The following TLCD3A variants were observed in gnomAD, a reference collection of about 807,000 sequenced individuals.
TLCD3A encodes TLC domain containing 3A.
In TLCD3A, 17 loss-of-function variants were observed where a neutral mutation model predicts 29.9. That is an observed-to-expected ratio of 0.57 (90% CI 0.39 to 0.85). The LOEUF (loss-of-function observed/expected upper bound fraction) is 0.85. Ranked by LOEUF, TLCD3A falls within the 40% of genes least tolerant of loss-of-function variation. The pLI, the probability that TLCD3A is intolerant of heterozygous loss-of-function variation, is 0.00. For missense variants in TLCD3A, 332 were observed against 350.8 expected, an observed-to-expected ratio of 0.95 and a Z score of 0.43; for synonymous variants, 143 against 147.7, an observed-to-expected ratio of 0.97 and a Z score of 0.23.
chr17:735,841 G>A (rs889211629), intron 2 of TLCD3A, among the ~76,000 whole-genome samples: 26 of 151,898 alleles, frequency 1.7e-4, no homozygotes, highest in African/African-American at 4.8e-4. Context: ...CGGACGTGGC[G>A]GCAGGTACCT....
chr17:733,038 G>GGCCGC (rs1230318878), intron 1 of TLCD3A, 60 bp from the exon 2 acceptor site: 11 of 1,527,808 alleles, frequency 7.2e-6, no homozygotes, highest in Non-Finnish European at 9.7e-6. Context: ...GGCCGGGCCG[G>GGCCGC]GCTCCCTGCG....
In TLCD3A at chr17:732,615, G is replaced by A. The variant is rs1974083837; in HGVS notation, c.-33G>A. On this transcript the variant is annotated 5_prime_UTR_variant, in exon 1 of 5. Transcript: ENST00000308278. ...CGCGCCGAGCCGAACCCAGCCACGCGGCGCCAGCGAGGCGGCCGGACCCGC... is the reference window on the plus strand; with the variant it reads ...CGCGCCGAGCCGAACCCAGCCACGCAGCGCCAGCGAGGCGGCCGGACCCGC... 3 of 1,210,060 alleles carry A rather than the reference G, an allele frequency of 2.5e-6. No individual in the cohort carries two copies. Among genetic ancestry groups the A allele is most frequent in the Admixed American group, 4.5e-5 (1 of 22,322 alleles). The allele number at this position is 1,210,060 out of a possible 1,614,324, so 75.0% of individuals were successfully genotyped here.
rs771512692 is a variant in TLCD3A, at chr17:740,527, ACTT to A, written c.435_437del (p.Phe146del). On this transcript the variant is annotated inframe_deletion, in exon 4 of 5. Transcript: ENST00000308278. ...CAGAGGCTCCGGGGAGACCTTGGGGACTTCTTTGTCGGCTGCATCTTCACGGCA... is the reference window on the plus strand; with the variant it reads ...CAGAGGCTCCGGGGAGACCTTGGGGACTTTGTCGGCTGCATCTTCACGGCA... The A allele has an allele frequency of 1.9e-6, 3 of 1,613,848 alleles. No individual in the cohort carries two copies. The South Asian group carries it at 3.3e-5, about 18-fold the overall frequency.
intron 2 of TLCD3A, 83 bp downstream of exon 2, chr17:733,264 G>C: frequency 7.7e-7 from 1 of 1,296,936 alleles, no homozygotes; most frequent in Non-Finnish European, 1.0e-6. Flanking sequence ...CACGCGCTCA[G>C]AAAGCTGACT....
chr17:733,525 G>C (rs999247675), intron 2 of TLCD3A, among the ~76,000 whole-genome samples: 1 of 152,206 alleles, frequency 6.6e-6, no homozygotes, highest in African/African-American at 2.4e-5. Flanking sequence ...CTGGCTAACA[G>C]ACGTCCAGTG....
At chr17:740,385 T>C (rs1212823671) in intron 3 of TLCD3A, 120 bp from the exon 4 acceptor site, 1 of 759,458 alleles carries the variant, frequency 1.3e-6, no homozygotes, top group Non-Finnish European at 2.4e-6. Context: ...TAGTCTGCGC[T>C]TGCCTATTGA....
chr17:735,986 CAAAAAAAAAAAA>C (rs55943725), intron 2 of TLCD3A, among the ~76,000 whole-genome samples: 1 of 107,276 alleles, frequency 9.3e-6, no homozygotes, highest in Non-Finnish European at 1.8e-5. Flanking sequence ...AAACCAAAAC[CAAAAAAAAAAAA>C]AAAAAAAAGG....
rs1406559596 is a variant in TLCD3A, at chr17:732,666, G to C, written c.19G>C (p.Gly7Arg). 3.6e-6 allele frequency: 5 copies of C among 1,390,542 alleles called. No homozygotes were observed. Among genetic ancestry groups the C allele is most frequent in the African/African-American group, 1.5e-5 (1 of 66,770 alleles). 86.1% of individuals were successfully genotyped at this position (1,390,542 alleles called of 1,614,324 possible). The change falls in exon 1 of 5, where the codon GGG becomes CGG. Residue 7 changes from glycine to arginine, a missense_variant. Gly to Arg is a moderately radical substitution (Grantham distance 125). Coordinates refer to ENST00000308278, the MANE Select transcript of TLCD3A (RefSeq NM_024792.3). ...AGCCCCGATGCTGCTGACGCTGGCC[G>C]GGGGCGCGCTCTTCTTCCCGGGGCT... MLLTLA[G>R]GALFFPGLFA... is the part of the protein sequence containing the mutation.
chr17:740,483 C>T, intron 3 of TLCD3A, 22 bp from the exon 4 acceptor site: 1 of 1,594,670 alleles, frequency 6.3e-7, no homozygotes, highest in Non-Finnish European at 8.6e-7. Context: ...CTTACTTCCC[C>T]TTTTCGTTTC....
rs1306485782 is a variant in TLCD3A, at chr17:737,929, G to A, written c.290G>A (p.Cys97Tyr). The A allele has an allele frequency of 1.2e-6, 2 of 1,613,828 alleles. No homozygotes were observed. The highest frequency in any genetic ancestry group is 1.3e-5 in the African/African-American group (1 of 74,826). The change falls in exon 3 of 5, where the codon TGC becomes TAC. Residue 97 changes from cysteine to tyrosine, a missense_variant. By Grantham distance (194) the Cys-to-Tyr change is radical (BLOSUM62 -2). Transcript: ENST00000308278. ...TACGCCATGTACCTCTGTGAATGGTGCCGAACCAGAGACCAGAACCGTGCG... is the reference window on the plus strand; with the variant it reads ...TACGCCATGTACCTCTGTGAATGGTACCGAACCAGAGACCAGAACCGTGCG... ...DSYAMYLCEW[C>Y]RTRDQNRAPS...
intron 2 of TLCD3A, among the ~76,000 whole-genome samples, chr17:735,526 T>C (rs1974140832): frequency 6.6e-6 from 1 of 152,236 alleles, no homozygotes; most frequent in South Asian, 2.1e-4. Flanking sequence ...ATGAAAACCC[T>C]AGGTTCCCTT....
At position 741,789 on chromosome 17, in the gene TLCD3A, C is replaced by T. The variant is rs1199589650; in HGVS notation, c.*219C>T. The T allele has an allele frequency of 6.7e-6, 4 of 594,598 alleles. No individual in the cohort carries two copies. Among genetic ancestry groups the T allele is most frequent in the Non-Finnish European group, 1.2e-5 (4 of 338,634 alleles). 36.8% of individuals were successfully genotyped at this position (594,598 alleles called of 1,614,324 possible). A position where few individuals can be genotyped will look rare whatever the true frequency, so the allele number is the denominator to read the frequency against. ...ACTATTGGGTCCTGTCAGACCTCCA[C>T]GGACAGCAAAGTGGTTTTAATGCAA... On this transcript the variant is annotated 3_prime_UTR_variant, in exon 5 of 5. Transcript: ENST00000308278.
chr17:739,390 T>C (rs1974214308), intron 3 of TLCD3A, among the ~76,000 whole-genome samples: 1 of 152,244 alleles, frequency 6.6e-6, no homozygotes, highest in South Asian at 2.1e-4. Flanking sequence ...GGTTTCACCA[T>C]ATTGGTCAGG....
In TLCD3A at chr17:737,911, T is replaced by C. The variant is rs774288687; in HGVS notation, c.272T>C (p.Met91Thr). ...IPYMIYDSYA[M>T]YLCEWCRTRD... Reference sequence around the variant, plus strand: ...TACATGATCTATGACTCGTACGCCATGTACCTCTGTGAATGGTGCCGAACC... The same window carrying C: ...TACATGATCTATGACTCGTACGCCACGTACCTCTGTGAATGGTGCCGAACC... Residue 91 changes from methionine to threonine, a missense_variant, in exon 3 of 5, where the codon ATG becomes ACG. By Grantham distance (81) the Met-to-Thr change is moderately conservative. Coordinates refer to ENST00000308278, the MANE Select transcript of TLCD3A (RefSeq NM_024792.3). 1.9e-6 allele frequency: 3 copies of C among 1,613,950 alleles called. No homozygotes were observed. Among genetic ancestry groups the C allele is most frequent in the Non-Finnish European group, 2.5e-6 (3 of 1,180,006 alleles).
intron 2 of TLCD3A, among the ~76,000 whole-genome samples, chr17:735,092 G>A (rs953413417): frequency 6.6e-6 from 1 of 151,948 alleles, no homozygotes; most frequent in Non-Finnish European, 1.5e-5. Flanking sequence ...GTGAGGTCTC[G>A]GCTCACTGCA....
chr17:735,514 A>T (rs539925134), intron 2 of TLCD3A, among the ~76,000 whole-genome samples: 4 of 152,250 alleles, frequency 2.6e-5, no homozygotes, highest in Non-Finnish European at 5.9e-5. Flanking sequence ...ATTGGTGAAA[A>T]CATGAAAACC....
chr17:740,201 CTGAG>C (rs1974225922), intron 3 of TLCD3A, among the ~76,000 whole-genome samples: 1 of 152,170 alleles, frequency 6.6e-6, no homozygotes, highest in Non-Finnish European at 1.5e-5. Context: ...ACCAAACAGG[CTGAG>C]TGTCTTGGCA....
intron 1 of TLCD3A, 74 bp from the exon 2 acceptor site, chr17:733,024 G>A (rs1281756210): frequency 6.7e-7 from 1 of 1,490,700 alleles, no homozygotes; most frequent in East Asian, 2.6e-5. Context: ...GAGTCAGGCC[G>A]AAGGGCCGGG....
intron 3 of TLCD3A, among the ~76,000 whole-genome samples, chr17:738,729 C>T (rs747515523): frequency 1.3e-5 from 2 of 152,130 alleles, no homozygotes; most frequent in African/African-American, 2.4e-5. Flanking sequence ...CACACTACAA[C>T]GTCCAGCTAA....
Sources: gnomAD v4.1 joint callset for allele counts (sites outside exome capture counted in the v4.1 genomes callset) on GRCh38, gnomAD v4.1.1 for gene constraint, MANE v1.5 for transcripts, NCBI Gene and HGNC (gene_info 2026-07-23, HGNC 2026-07-21) for gene names.